The following PHLDB2 variants were observed in gnomAD, a reference collection of about 807,000 sequenced individuals.
PHLDB2 encodes the protein pleckstrin homology-like domain family B member 2.
A neutral mutation model predicts 123.6 loss-of-function variants in PHLDB2; 71 were observed. That is an observed-to-expected ratio of 0.57 (90% CI 0.47 to 0.70). The LOEUF (loss-of-function observed/expected upper bound fraction) is 0.70. Ranked by LOEUF, PHLDB2 falls within the 30% of genes least tolerant of loss-of-function variation. The pLI is 0.00. For synonymous variants in PHLDB2, 547 were observed against 541.6 expected (o/e 1.01, Z -0.14); for missense variants, 1,446 against 1,519.5 (o/e 0.95, Z 0.80).
intron 1 of PHLDB2, among the ~76,000 whole-genome samples, chr3:111,760,869 A>G (rs1201157893): frequency 2.0e-5 from 3 of 152,104 alleles, no homozygotes; most frequent in Non-Finnish European, 4.4e-5. Flanking sequence ...TACTTAGTTC[A>G]TTCATAGCAC....
chr3:111,876,385 T>C (rs2065620743), intron 1 of PHLDB2, among the ~76,000 whole-genome samples: 1 of 151,990 alleles, frequency 6.6e-6, no homozygotes, highest in Admixed American at 6.6e-5. Flanking sequence ...AACTTTTTAC[T>C]CCCCCAAAAC....
chr3:111,902,732 C>T (rs1233410932), intron 2 of PHLDB2, among the ~76,000 whole-genome samples: 3 of 152,050 alleles, frequency 2.0e-5, no homozygotes, highest in Non-Finnish European at 2.9e-5. Flanking sequence ...TCCGCCTCCC[C>T]AGCTCAAGTA....
At chr3:111,911,676 G>C in intron 2 of PHLDB2, 1 of 1,536,354 alleles carries the variant, frequency 6.5e-7, no homozygotes, top group Non-Finnish European at 8.7e-7. Flanking sequence ...AAGAGGCCAT[G>C]AGGACGGAGC....
At chr3:111,956,369 TCC>T (rs1331636000) in intron 12 of PHLDB2, among the ~76,000 whole-genome samples, 1 of 152,188 alleles carries the variant, frequency 6.6e-6, no homozygotes, top group African/African-American at 2.4e-5. Context: ...TAATCTGTTT[TCC>T]CCTGAAGTAA....
In PHLDB2 at chr3:111,949,610, TAACAA is replaced by T. The variant is rs1193517340; in HGVS notation, c.2631+540_2631+544del. 1.5e-5 allele frequency: 11 copies of T among 717,114 alleles called. No homozygotes were observed. In the African/African-American group the frequency reaches 1.5e-4, roughly 10 times the overall value. 44.4% of individuals were successfully genotyped at this position (717,114 alleles called of 1,614,324 possible). A position where few individuals can be genotyped will look rare whatever the true frequency, so the allele number is the denominator to read the frequency against. ...CAATTGTAACTTCTTAATTAAAATA[TAACAA>T]AACAGAACAAACTATCAATTTCATT... is the stretch of plus-strand genomic sequence containing the variant. On this transcript the variant is annotated intron_variant, in intron 10 of 17. Transcript: ENST00000431670.
intron 8 of PHLDB2, 59 bp downstream of exon 8, chr3:111,940,704 A>C (rs959095165): frequency 5.1e-6 from 5 of 986,188 alleles, no homozygotes; most frequent in Non-Finnish European, 7.4e-6. Context: ...ATTCAGGGAA[A>C]TTGCCCCCTT....
intron 1 of PHLDB2, among the ~76,000 whole-genome samples, chr3:111,869,309 A>G (rs1220624366): frequency 6.6e-6 from 1 of 152,024 alleles, no homozygotes; most frequent in Non-Finnish European, 1.5e-5. Context: ...ATCTGCACTT[A>G]ATGTTCTCAT....
chr3:111,766,209 G>A, intron 1 of PHLDB2, among the ~76,000 whole-genome samples: 1 of 152,166 alleles, frequency 6.6e-6, no homozygotes, highest in East Asian at 1.9e-4. Flanking sequence ...GGGAGGCCAA[G>A]GCAGGTGGAT....
chr3:111,806,349 C>T (rs911263248), intron 1 of PHLDB2, among the ~76,000 whole-genome samples: 2 of 152,008 alleles, frequency 1.3e-5, no homozygotes, highest in East Asian at 3.9e-4. Flanking sequence ...AGCCAACCAC[C>T]GAACCAATTC....
At chr3:111,776,288 AAG>A (rs2060266859) in intron 1 of PHLDB2, among the ~76,000 whole-genome samples, 1 of 152,142 alleles carries the variant, frequency 6.6e-6, no homozygotes, top group South Asian at 2.1e-4. Context: ...AGGGGAAGGA[AAG>A]GGGATAGAAA....
In PHLDB2 at chr3:111,940,997, G is replaced by A. The variant is rs113142314; in HGVS notation, c.2397+352G>A. The stretch of plus-strand genomic sequence containing the variant: ...AACACCAATTTAGGGTGGACTTAAG[G>A]AAAAATGTCCTTTTTACTACTGTCA... On this transcript the variant is annotated intron_variant, in intron 8 of 17. Transcript: ENST00000431670. Among the ~76,000 whole-genome samples the A allele has an allele frequency of 1.6e-3, 239 of 152,298 alleles. 1 individual carries two copies. Among genetic ancestry groups the A allele is most frequent in the South Asian group, 3.7e-3 (18 of 4,832 alleles).
intron 8 of PHLDB2, among the ~76,000 whole-genome samples, chr3:111,942,562 G>T (rs1244741026): frequency 6.6e-6 from 1 of 152,146 alleles, no homozygotes; most frequent in Non-Finnish European, 1.5e-5. Context: ...TACTGTAAAT[G>T]AGTGTTATTT....
At position 111,913,321 on chromosome 3, in the gene PHLDB2, G is replaced by C; in HGVS notation, c.1338G>C (p.Glu446Asp). 6.3e-7 allele frequency: 1 copy of C among 1,586,376 alleles called. No individual in the cohort carries two copies. Among genetic ancestry groups the C allele is most frequent in the Non-Finnish European group, 8.6e-7 (1 of 1,167,668 alleles). The change falls in exon 3 of 18, where the codon GAG becomes GAC. Residue 446 changes from glutamate (E) to aspartate (D), a missense_variant and splice_region_variant. By Grantham distance (45) the Glu-to-Asp change is conservative. Transcript: ENST00000431670. ...TCCCCCTCCTCCCTGTGTTCCAGGA[G>C]AGACAGCGTCTGGAGACCATCCTCA... ...RLREQEMERL[E>D]RQRLETILSL...
chr3:111,887,118 G>A (rs1274438151), intron 2 of PHLDB2, among the ~76,000 whole-genome samples: 1 of 152,114 alleles, frequency 6.6e-6, no homozygotes, highest in Non-Finnish European at 1.5e-5. Flanking sequence ...TAGGTTTCAT[G>A]TTCAGCATCT....
In PHLDB2 at chr3:111,939,539, A is replaced by G. The variant is rs1577138096; in HGVS notation, c.2195A>G (p.His732Arg). 1.9e-6 allele frequency: 3 copies of G among 1,613,952 alleles called. No homozygotes were observed. Among genetic ancestry groups the G allele is most frequent in the Non-Finnish European group, 1.7e-6 (2 of 1,179,898 alleles). The change falls in exon 7 of 18, where the codon CAT becomes CGT. Residue 732 changes from histidine (H) to arginine (R), a missense_variant. Physicochemically the swap from His to Arg is conservative, Grantham distance 29 (BLOSUM62 0). Coordinates refer to ENST00000431670, the MANE Select transcript of PHLDB2 (RefSeq NM_001134438.2). ...FEDLEFQQLE[H>R]ESRLDEEKEN... ...GACCTGGAGTTCCAGCAGCTTGAAC[A>G]TGAGAGCCGTCTAGATGAAGAAAAG...
chr3:111,797,450 G>A (rs769348531), intron 1 of PHLDB2, among the ~76,000 whole-genome samples: 1 of 152,122 alleles, frequency 6.6e-6, no homozygotes, highest in Non-Finnish European at 1.5e-5. Flanking sequence ...TAGAGGCCCA[G>A]CCATTGCCAC....
intron 9 of PHLDB2, among the ~76,000 whole-genome samples, chr3:111,946,401 C>A (rs1018519268): frequency 4.0e-5 from 6 of 151,598 alleles, no homozygotes; most frequent in Non-Finnish European, 5.9e-5. Context: ...TTTGCACAAT[C>A]AAAAAAAACC....
chr3:111,885,275 CA>C lies in PHLDB2; in HGVS notation c.1199del (p.Gln400ArgfsTer26), dbSNP rs2066096337. ...TGAGGCAGATTTGGAAAGCCTCAGACAGGCCTCAGGAACCCCCCAGCCTGCC... is the reference window on the plus strand; with the variant it reads ...TGAGGCAGATTTGGAAAGCCTCAGACGGCCTCAGGAACCCCCCAGCCTGCC... Reference protein sequence around the residue: ...FDEADLESLRQASGTPQPALR... With the variant: ...FDEADLESLRXASGTPQPALR... On this transcript the variant is annotated frameshift_variant, in exon 2 of 18. Coordinates refer to ENST00000431670, the MANE Select transcript of PHLDB2 (RefSeq NM_001134438.2). LOFTEE classifies it high-confidence loss of function. 6.2e-7 allele frequency: 1 copy of C among 1,614,202 alleles called. No homozygotes were observed. The highest frequency in any genetic ancestry group is 8.5e-7 in the Non-Finnish European group (1 of 1,180,034).
intron 1 of PHLDB2, among the ~76,000 whole-genome samples, chr3:111,843,724 C>T (rs2063801376): frequency 6.6e-6 from 1 of 152,182 alleles, no homozygotes; most frequent in African/African-American, 2.4e-5. Context: ...TTTACAAATA[C>T]TCTAGCTACA....
Sources: allele counts gnomAD v4.1 joint callset (sites outside exome capture counted in the v4.1 genomes callset), GRCh38; gene constraint gnomAD v4.1.1; transcripts MANE v1.5; gene names NCBI Gene and HGNC (gene_info 2026-07-23, HGNC 2026-07-21).